UNC79: variants seen among roughly 807,000 people sequenced by gnomAD.
UNC79 encodes protein unc-79 homolog.
UNC79 carries 37 observed loss-of-function variants against 283.1 expected under a neutral mutation model. The ratio of observed to expected loss-of-function variants is 0.13; its 90% confidence interval spans 0.10 to 0.17. The LOEUF is 0.17. UNC79 is among the 10% of genes least tolerant of loss of function. The pLI is 1.00. For missense variants in UNC79, 2,272 were observed against 3,211.1 expected (o/e 0.71, Z 7.07); for synonymous variants, 1,107 against 1,200.2 (o/e 0.92, Z 1.61).
At chr14:93,449,210 G>A (rs75696994) in intron 1 of UNC79, among the ~76,000 whole-genome samples, 63 of 152,218 alleles carry the variant, frequency 4.1e-4, no homozygotes, top group Admixed American at 9.8e-4. Context: ...TTAACAGAGG[G>A]CCCTGGGTTG....
intron 1 of UNC79, among the ~76,000 whole-genome samples, chr14:93,463,074 T>C (rs2057018157): frequency 6.6e-6 from 1 of 151,946 alleles, no homozygotes; most frequent in Admixed American, 6.6e-5. Context: ...TTCCAACACT[T>C]AGATATCAAC....
intron 9 of UNC79, 81 bp from the exon 10 acceptor site, chr14:93,529,205 C>G (rs760287976): frequency 2.7e-6 from 4 of 1,454,884 alleles, no homozygotes; most frequent in Non-Finnish European, 3.8e-6. Flanking sequence ...CCTTTCAGCA[C>G]TAGTGTGCAG....
intron 14 of UNC79, among the ~76,000 whole-genome samples, chr14:93,549,999 T>C (rs1055321680): frequency 2.0e-5 from 3 of 152,194 alleles, no homozygotes; most frequent in African/African-American, 7.2e-5. Context: ...AGAAACCAGT[T>C]TTAAAGCATG....
At chr14:93,698,542 G>A (rs892171671) in intron 47 of UNC79, among the ~76,000 whole-genome samples, 1 of 131,480 alleles carries the variant, frequency 7.6e-6, no homozygotes, top group East Asian at 2.4e-4. Context: ...CTGGAGTGCC[G>A]TGGTGCGATC....
chr14:93,552,930 G>C (rs2061970184), intron 14 of UNC79, among the ~76,000 whole-genome samples: 1 of 152,182 alleles, frequency 6.6e-6, no homozygotes, highest in African/African-American at 2.4e-5. Context: ...GGACTGCATA[G>C]ACAGGATATG....
exon 27 of UNC79, chr14:93,612,858 C>T (rs779573619): frequency 1.2e-6 from 2 of 1,614,108 alleles, no homozygotes; most frequent in South Asian, 2.2e-5. Flanking sequence ...ACGCTGGGAT[C>T]GACCACCAGA....
At chr14:93,414,428 A>G (rs1296237471) in intron 1 of UNC79, among the ~76,000 whole-genome samples, 3 of 152,148 alleles carry the variant, frequency 2.0e-5, no homozygotes, top group Non-Finnish European at 4.4e-5. Context: ...TGGTTACTGT[A>G]GCCTTGTAGT....
At chr14:93,487,607 G>T in intron 4 of UNC79, 56 bp from the exon 5 acceptor site, 1 of 1,435,772 alleles carries the variant, frequency 7.0e-7, no homozygotes, top group Non-Finnish European at 9.7e-7. Context: ...TCTGTGCAAA[G>T]TAACAGGTAT....
intron 42 of UNC79, among the ~76,000 whole-genome samples, chr14:93,685,867 C>G (rs2074201102): frequency 6.6e-6 from 1 of 152,192 alleles, no homozygotes; most frequent in South Asian, 2.1e-4. Flanking sequence ...CATTTAACGA[C>G]CTAAAACACA....
intron 10 of UNC79, among the ~76,000 whole-genome samples, chr14:93,532,344 A>G (rs961762691): frequency 1.3e-5 from 2 of 151,586 alleles, no homozygotes; most frequent in Admixed American, 6.6e-5. Context: ...GGAAGCCCAC[A>G]CCACTGCCTA....
At chr14:93,663,315 G>A (rs1172030431) in intron 40 of UNC79, among the ~76,000 whole-genome samples, 1 of 152,224 alleles carries the variant, frequency 6.6e-6, no homozygotes, top group Non-Finnish European at 1.5e-5. Context: ...AGTGGCAGTA[G>A]CAGCCTTGTT....
At chr14:93,579,172 A>T (rs1263021015) in intron 18 of UNC79, among the ~76,000 whole-genome samples, 1 of 152,186 alleles carries the variant, frequency 6.6e-6, no homozygotes, top group African/African-American at 2.4e-5. Context: ...GTAATGCATC[A>T]TGTCAGCAGG....
intron 39 of UNC79, among the ~76,000 whole-genome samples, chr14:93,660,555 ATATATATATGTGTGTGTG>A (rs2071459524): frequency 3.2e-5 from 3 of 92,828 alleles, no homozygotes. Flanking sequence ...ATATATATAT[ATATATATATGTGTGTGTG>A]TGTGTGTTCA....
At position 93,474,985 on chromosome 14, in the gene UNC79, A is replaced by G. The variant is rs2057718755; in HGVS notation, c.448+592A>G. ...CTGTATGCTGTATTCAGCATATGGT[A>G]TTAGTGGTGCTATGTGCTATTTGCA... On this transcript the variant is annotated intron_variant, in intron 3 of 48. Coordinates refer to ENST00000555664, the Ensembl canonical transcript of UNC79. The surrounding 1 kb of genome is among the most constrained non-coding windows in gnomAD (Gnocchi z 4.1). Among the ~76,000 whole-genome samples, 1 of 152,214 alleles carries G rather than the reference A, an allele frequency of 6.6e-6. No homozygotes were observed. Among genetic ancestry groups the G allele is most frequent in the Admixed American group, 6.5e-5 (1 of 15,286 alleles).
chr14:93,583,803 C>CT (rs386382193), intron 20 of UNC79, among the ~76,000 whole-genome samples: 56,578 of 127,148 alleles, frequency 0.44, 12,613 homozygotes, highest in East Asian at 0.62. Context: ...TGTTGGAGGT[C>CT]TTTTTTTTTT....
upstream of UNC79, among the ~76,000 whole-genome samples, chr14:93,425,823 G>A (rs1245906654): frequency 6.6e-6 from 1 of 152,132 alleles, no homozygotes; most frequent in African/African-American, 2.4e-5. Context: ...ACAAACTATA[G>A]AGAAAAAGAT....
intron 1 of UNC79, among the ~76,000 whole-genome samples, chr14:93,395,194 G>A (rs1444673269): frequency 6.6e-6 from 1 of 151,924 alleles, no homozygotes; most frequent in Non-Finnish European, 1.5e-5. Flanking sequence ...ATTTTAGTAT[G>A]GTCACTAGTA....
chr14:93,625,475 C>T (rs2067497309), intron 30 of UNC79, among the ~76,000 whole-genome samples: 1 of 151,840 alleles, frequency 6.6e-6, no homozygotes, highest in Non-Finnish European at 1.5e-5. Flanking sequence ...CACTTGGTTT[C>T]CTTGAATGCA....
chr14:93,410,906 C>T (rs755287608), intron 1 of UNC79, among the ~76,000 whole-genome samples: 1 of 151,858 alleles, frequency 6.6e-6, no homozygotes, highest in Non-Finnish European at 1.5e-5. Flanking sequence ...GGGAGAGACT[C>T]CTTCTGCTTG....
Sources: allele counts gnomAD v4.1 joint callset (sites outside exome capture counted in the v4.1 genomes callset), GRCh38; gene constraint gnomAD v4.1.1; non-coding constraint Gnocchi (gnomAD v3.1); transcripts MANE v1.5; gene names NCBI Gene and HGNC (gene_info 2026-07-23, HGNC 2026-07-21).